Variants in SELENOI observed in about 807,000 individuals in gnomAD.
The protein encoded by SELENOI is ethanolaminephosphotransferase 1.
In SELENOI, 24 loss-of-function variants were observed where a neutral mutation model predicts 50.7. The ratio of observed to expected loss-of-function variants is 0.47; its 90% CI spans 0.34 to 0.67. SELENOI has a LOEUF of 0.67. SELENOI is among the 30% of genes least tolerant of loss of function. The pLI is 0.01. For missense variants in SELENOI, 352 were observed against 461.4 expected, an observed-to-expected ratio of 0.76 and a Z score of 2.17; for synonymous variants, 155 against 170.2, an observed-to-expected ratio of 0.91 and a Z score of 0.70.
At position 26,375,260 on chromosome 2, in the gene SELENOI, C is replaced by A. The variant is rs536595331; in HGVS notation, c.682+112C>A. 3 of 642,260 alleles carry A rather than the reference C, an allele frequency of 4.7e-6. No homozygotes were observed. The East Asian group carries it at 8.4e-5, about 18-fold the overall frequency. 39.8% of individuals were successfully genotyped at this position (642,260 alleles called of 1,614,324 possible). On this transcript the variant is annotated intron_variant, in intron 6 of 9. Coordinates refer to ENST00000260585, the MANE Select transcript of SELENOI (RefSeq NM_033505.4). ...TTTGCCTCACAAAACCTCCAGGAAG[C>A]AGAACAACCCTACAACCTTGTAGGA... is the stretch of plus-strand genomic sequence containing the variant.
At chr2:26,382,870 A>G (rs963057211) in intron 6 of SELENOI, among the ~76,000 whole-genome samples, 5 of 152,154 alleles carry the variant, frequency 3.3e-5, no homozygotes, top group Non-Finnish European at 7.3e-5. Context: ...GTGAAGCAAC[A>G]GGATTCCCCC....
At chr2:26,361,395 TAAC>T (rs1022056824) in intron 1 of SELENOI, among the ~76,000 whole-genome samples, 3 of 152,368 alleles carry the variant, frequency 2.0e-5, no homozygotes, top group Admixed American at 6.5e-5. Context: ...AGTGAGTGAT[TAAC>T]AACAACAACT....
Position 26,387,788 on chromosome 2 carries a change from T to C in SELENOI, c.1096-1217T>C, listed in dbSNP as rs1677878756. On this transcript the variant is annotated intron_variant, in intron 9 of 9. Transcript: ENST00000260585. Reference sequence around the variant, plus strand: ...TTTCATTTGTTTTATTTTCCGAGGATAATTTCATAGGAATGGGGTTGTGAC... The same window carrying C: ...TTTCATTTGTTTTATTTTCCGAGGACAATTTCATAGGAATGGGGTTGTGAC... Among the ~76,000 whole-genome samples, 5 of 152,222 alleles carry C rather than the reference T, an allele frequency of 3.3e-5. No homozygotes were observed. In the South Asian group the frequency reaches 8.3e-4, roughly 25 times the overall value.
rs557115957 is a variant in SELENOI, at chr2:26,371,565, G to T, written c.311-1802G>T. 2.0e-5 allele frequency among the ~76,000 whole-genome samples: 3 copies of T among 152,338 alleles called. No homozygotes were observed. In the South Asian group the frequency reaches 6.2e-4, roughly 32 times the overall value. On this transcript the variant is annotated intron_variant, in intron 4 of 9. Coordinates refer to ENST00000260585, the MANE Select transcript of SELENOI (RefSeq NM_033505.4). ...GATCACGCCACTGCACTCCAGCCTG[G>T]GCGCCATTGAGCACTGAGTGAACCA...
intron 1 of SELENOI, among the ~76,000 whole-genome samples, chr2:26,358,564 G>A (rs561791147): frequency 2.0e-5 from 3 of 152,266 alleles, no homozygotes; most frequent in Non-Finnish European, 4.4e-5. Context: ...GAAGGTCTAC[G>A]TTGATTGGCA....
At chr2:26,365,589 A>G (rs1263131027) in intron 3 of SELENOI, among the ~76,000 whole-genome samples, 1 of 152,214 alleles carries the variant, frequency 6.6e-6, no homozygotes, top group Admixed American at 6.5e-5. Context: ...ATTGAGAGGA[A>G]TAGAAAGTTG....
In SELENOI at chr2:26,395,530, T is replaced by G. The variant is rs1678071887; in HGVS notation, c.*6427T>G. On this transcript the variant is annotated 3_prime_UTR_variant, in exon 10 of 10. Coordinates refer to ENST00000260585, the MANE Select transcript of SELENOI (RefSeq NM_033505.4). Reference sequence around the variant, plus strand: ...GGGAGCAGTTGTGCTGCGGGCTTGCTGGGGGAGAACTCTAACTGTTGCAGA... The same window carrying G: ...GGGAGCAGTTGTGCTGCGGGCTTGCGGGGGGAGAACTCTAACTGTTGCAGA... 1 of 152,774 alleles carries G rather than the reference T, an allele frequency of 6.5e-6. No individual in the cohort carries two copies. Among genetic ancestry groups the G allele is most frequent in the Non-Finnish European group, 1.5e-5 (1 of 68,076 alleles). The allele number at this position is 152,774 out of a possible 1,614,324, so 9.5% of individuals were successfully genotyped here. A position where few individuals can be genotyped will look rare whatever the true frequency, so the allele number is the denominator to read the frequency against.
chr2:26,363,958 T>A (rs537204460), intron 1 of SELENOI, among the ~76,000 whole-genome samples: 1 of 152,272 alleles, frequency 6.6e-6, no homozygotes, highest in South Asian at 2.1e-4. Flanking sequence ...GCCAGGCTGA[T>A]CTTGAACTCC....
chr2:26,366,263 G>C (rs1384110547), intron 3 of SELENOI, among the ~76,000 whole-genome samples: 1 of 152,158 alleles, frequency 6.6e-6, no homozygotes, highest in African/African-American at 2.4e-5. Flanking sequence ...CATGAATAAA[G>C]AGTAAGATTA....
chr2:26,368,809 T>C (rs2147952205), intron 4 of SELENOI, among the ~76,000 whole-genome samples: 1 of 152,308 alleles, frequency 6.6e-6, no homozygotes, highest in South Asian at 2.1e-4. Context: ...AATGGGAAAT[T>C]GTTAAGCCAG....
At chr2:26,364,448 A>G in intron 2 of SELENOI, 78 bp downstream of exon 2, 1 of 915,052 alleles carries the variant, frequency 1.1e-6, no homozygotes, top group East Asian at 2.7e-5. Flanking sequence ...AGTATTATAA[A>G]TGCAACTCTC....
rs1677256712 is a variant in SELENOI at position 26,364,943 on chromosome 2, A to G, written c.235+3A>G. On this transcript the variant is annotated splice_donor_region_variant and intron_variant, in intron 3 of 9. Transcript: ENST00000260585. ...TGATCCTGACTTTTATGCCTCAGGT[A>G]AGAATATTACTTTATTATAAAATTT... is the stretch of plus-strand genomic sequence containing the variant. 1.1e-5 allele frequency: 18 copies of G among 1,569,406 alleles called. No homozygotes were observed. The highest frequency in any genetic ancestry group is 1.5e-5 in the Non-Finnish European group (17 of 1,153,100).
chr2:26,374,566 A>ATT (rs34004967), intron 5 of SELENOI, among the ~76,000 whole-genome samples: 1,835 of 128,812 alleles, frequency 0.014, 47 homozygotes, highest in African/African-American at 0.049. Context: ...AAAAGATTGT[A>ATT]TTTTTTTTTT....
rs77094190 is a variant in SELENOI at position 26,352,843 on chromosome 2, G to T, written c.57+6554G>T. On this transcript the variant is annotated intron_variant, in intron 1 of 9. Transcript: ENST00000260585. The stretch of plus-strand genomic sequence containing the variant: ...AAAGTCCAGATTTCTGGATTCTCTT[G>T]AAAAAAAAAAAAAAAACCAGAATAT... 3.2e-5 allele frequency among the ~76,000 whole-genome samples: 4 copies of T among 126,316 alleles called. No homozygotes were observed. The East Asian group carries it at 7.1e-4, about 22-fold the overall frequency. 82.9% of individuals were successfully genotyped at this position (126,316 alleles called of 152,430 possible).
At chr2:26,361,501 A>G (rs572246694) in intron 1 of SELENOI, among the ~76,000 whole-genome samples, 121 of 152,174 alleles carry the variant, frequency 8.0e-4, no homozygotes, top group African/African-American at 2.7e-3. Flanking sequence ...GTACTTACCT[A>G]TTTTCCGACC....
chr2:26,364,455 T>C (rs1286090596), intron 2 of SELENOI, 85 bp downstream of exon 2: 2 of 863,744 alleles, frequency 2.3e-6, no homozygotes, highest in Non-Finnish European at 3.6e-6. Flanking sequence ...TAAATGCAAC[T>C]CTCAGTTTCA....
intron 1 of SELENOI, among the ~76,000 whole-genome samples, chr2:26,349,976 G>A (rs938304772): frequency 3.4e-5 from 5 of 148,644 alleles, no homozygotes; most frequent in Non-Finnish European, 7.4e-5. Context: ...AGGCATGGTA[G>A]CACGTGCCTA....
intron 4 of SELENOI, among the ~76,000 whole-genome samples, chr2:26,368,805 A>T (rs1258033941): frequency 6.6e-6 from 1 of 152,222 alleles, no homozygotes; most frequent in Non-Finnish European, 1.5e-5. Context: ...TGAAAATGGG[A>T]AATTGTTAAG....
At position 26,364,955 on chromosome 2, in the gene SELENOI, T is replaced by G; in HGVS notation, c.235+15T>G. The G allele has an allele frequency of 6.6e-7, 1 of 1,514,748 alleles. No individual in the cohort carries two copies. The highest frequency in any genetic ancestry group is 8.9e-7 in the Non-Finnish European group (1 of 1,122,524). The allele number at this position is 1,514,748 out of a possible 1,614,324, so 93.8% of individuals were successfully genotyped here. A position where few individuals can be genotyped will look rare whatever the true frequency, so the allele number is the denominator to read the frequency against. Reference sequence around the variant, plus strand: ...TTATGCCTCAGGTAAGAATATTACTTTATTATAAAATTTAACTGAGTAGAA... The same window carrying G: ...TTATGCCTCAGGTAAGAATATTACTGTATTATAAAATTTAACTGAGTAGAA... On this transcript the variant is annotated intron_variant, in intron 3 of 9. Coordinates refer to ENST00000260585, the MANE Select transcript of SELENOI (RefSeq NM_033505.4).
Sources: allele counts gnomAD v4.1 joint callset (sites outside exome capture counted in the v4.1 genomes callset), GRCh38; gene constraint gnomAD v4.1.1; transcripts MANE v1.5; gene names NCBI Gene and HGNC (gene_info 2026-07-23, HGNC 2026-07-21).